Variants in STK3 observed in about 807,000 individuals in gnomAD.
STK3 encodes serine/threonine kinase 3.
A neutral mutation model predicts 58.0 loss-of-function variants in STK3; 41 were observed. The observed-to-expected ratio is 0.71, with a 90% CI of 0.55 to 0.92. The LOEUF (loss-of-function observed/expected upper bound fraction) is 0.92, where lower values mean the gene tolerates loss of function less well. Ranked by LOEUF, STK3 falls within the 40% of genes least tolerant of loss-of-function variation. The pLI is 0.00. For synonymous variants in STK3, 170 were observed against 191.0 expected, an observed-to-expected ratio of 0.89 and a Z score of 0.91; for missense variants, 479 against 602.7, an observed-to-expected ratio of 0.79 and a Z score of 2.15.
intron 6 of STK3, among the ~76,000 whole-genome samples, chr8:98,670,983 G>A (rs563565853): frequency 6.6e-5 from 10 of 152,168 alleles, no homozygotes; most frequent in South Asian, 6.2e-4. Context: ...AGCCAGATGC[G>A]GCCTGGCAGG....
chr8:98,548,295 A>G lies in STK3; in HGVS notation c.949-134T>C, dbSNP rs934130514. 11 of 596,382 alleles carry G rather than the reference A, an allele frequency of 1.8e-5. No individual in the cohort carries two copies. In the African/African-American group the frequency reaches 1.9e-4, roughly 10 times the overall value. 36.9% of individuals were successfully genotyped at this position (596,382 alleles called of 1,614,324 possible). ...TATTAGTACTGATTTTAATATAAAT[A>G]CATACATACAAATGTTATTTTAAGA... On this transcript the variant is annotated intron_variant, in intron 8 of 10. Coordinates refer to ENST00000419617, the MANE Select transcript of STK3 (RefSeq NM_006281.4).
chr8:98,472,282 T>G (rs1477100445), intron 10 of STK3, among the ~76,000 whole-genome samples: 1 of 152,188 alleles, frequency 6.6e-6, no homozygotes, highest in Non-Finnish European at 1.5e-5. Context: ...AAGAGATGGC[T>G]TCTTAAAAAT....
intron 6 of STK3, among the ~76,000 whole-genome samples, chr8:98,705,980 T>C (rs1825936466): frequency 6.6e-6 from 1 of 151,988 alleles, no homozygotes; most frequent in Non-Finnish European, 1.5e-5. Context: ...ATTAGCCGAA[T>C]TCCTTTATAT....
chr8:98,387,722 C>A (rs1817803938), intron 1 of STK3, among the ~76,000 whole-genome samples: 1 of 152,150 alleles, frequency 6.6e-6, no homozygotes, highest in Non-Finnish European at 1.5e-5. Context: ...GCCTGGGCAA[C>A]AAGAGCGAAA....
At chr8:98,881,968 T>C (rs375374292), downstream of STK3, 16 of 152,076 alleles carry the variant, frequency 1.1e-4, 1 homozygote, top group East Asian at 3.1e-3. Context: ...GCCTGGGTGA[T>C]GGAGCAAGAC....
chr8:98,385,942 C>G (rs1387973464), intron 1 of STK3, among the ~76,000 whole-genome samples: 1 of 152,028 alleles, frequency 6.6e-6, no homozygotes, highest in Admixed American at 6.6e-5. Context: ...AATTATTGAA[C>G]AGTTGCAATG....
intron 1 of STK3, among the ~76,000 whole-genome samples, chr8:98,783,160 C>T (rs767465394): frequency 7.9e-5 from 12 of 151,910 alleles, no homozygotes; most frequent in African/African-American, 2.4e-4. Flanking sequence ...AGTTCCATAC[C>T]GCAACAATAA....
At chr8:98,684,541 T>C (rs527969974) in intron 6 of STK3, among the ~76,000 whole-genome samples, 1 of 152,336 alleles carries the variant, frequency 6.6e-6, no homozygotes, top group South Asian at 2.1e-4. Flanking sequence ...TTCATAAAGC[T>C]AGTTCATATT....
intron 1 of STK3, chr8:98,883,941 G>C (rs1837890195): frequency 1.9e-6 from 1 of 515,770 alleles, no homozygotes; most frequent in Non-Finnish European, 3.5e-6. Context: ...TGGGAACAGG[G>C]AGGGGAGAGC....
chr8:98,367,483 C>T (rs1221857308), downstream of STK3, among the ~76,000 whole-genome samples: 1 of 152,216 alleles, frequency 6.6e-6, no homozygotes, highest in Non-Finnish European at 1.5e-5. Flanking sequence ...AGAAATCATA[C>T]TGAGTCCCTG....
At chr8:98,358,490 C>T in the STK3 span, among the ~76,000 whole-genome samples, 1 of 152,154 alleles carries the variant, frequency 6.6e-6, no homozygotes, top group Admixed American at 6.5e-5. Context: ...TCAGGGCTTC[C>T]AGTCGTTCTT....
chr8:98,931,733 C>T (rs1041605984), intron 1 of STK3, among the ~76,000 whole-genome samples: 27 of 152,142 alleles, frequency 1.8e-4, no homozygotes, highest in African/African-American at 5.6e-4. Context: ...AACAATCATG[C>T]TGTACTAGAT....
intron 6 of STK3, among the ~76,000 whole-genome samples, chr8:98,694,860 A>G (rs944015636): frequency 2.0e-5 from 3 of 152,216 alleles, no homozygotes; most frequent in Non-Finnish European, 2.9e-5. Flanking sequence ...CTTTGGGTAT[A>G]TACCCAGTAA....
At chr8:98,730,973 T>C (rs182329086) in intron 4 of STK3, among the ~76,000 whole-genome samples, 1,693 of 152,244 alleles carry the variant, frequency 0.011, 20 homozygotes, top group Admixed American at 0.017. Context: ...TATACAATTG[T>C]GCCAAGATTT....
At chr8:98,919,705 T>C (rs1280301996) in intron 1 of STK3, among the ~76,000 whole-genome samples, 1 of 152,200 alleles carries the variant, frequency 6.6e-6, no homozygotes, top group African/African-American at 2.4e-5. Flanking sequence ...AATATAGAGA[T>C]GGCAGAATGA....
chr8:98,387,596 A>C (rs1262351422), intron 1 of STK3, among the ~76,000 whole-genome samples: 2 of 152,164 alleles, frequency 1.3e-5, no homozygotes, highest in Non-Finnish European at 2.9e-5. Flanking sequence ...TAAAAATACA[A>C]AATTAGCCAG....
intron 3 of STK3, among the ~76,000 whole-genome samples, chr8:98,840,512 C>T (rs1242733372): frequency 7.1e-6 from 1 of 141,612 alleles, no homozygotes; most frequent in African/African-American, 2.6e-5. Flanking sequence ...GTGGAGGCTG[C>T]AGTGAGCATG....
rs547657517 is a variant in STK3 at position 98,804,487 on chromosome 8, A to T, written c.26+21028T>A. On this transcript the variant is annotated intron_variant, in intron 1 of 10. Coordinates refer to ENST00000419617, the MANE Select transcript of STK3 (RefSeq NM_006281.4). ...ATACAATATAGTGTCTCTCATTATT[A>T]GGATGCTAGTAAACACCAAAGTGGA... Among the ~76,000 whole-genome samples, 6 of 152,384 alleles carry T rather than the reference A, an allele frequency of 3.9e-5. No homozygotes were observed. The East Asian group carries it at 1.2e-3, about 29-fold the overall frequency.
In STK3 at chr8:98,454,779, A is replaced by T. The variant is rs1391504119; in HGVS notation, c.*1063T>A. The T allele has an allele frequency of 6.6e-6, 1 of 152,652 alleles. No individual in the cohort carries two copies. The highest frequency in any genetic ancestry group is 1.5e-5 in the Non-Finnish European group (1 of 68,046). The allele number at this position is 152,652 out of a possible 1,614,324, so 9.5% of individuals were successfully genotyped here. A position where few individuals can be genotyped will look rare whatever the true frequency, so the allele number is the denominator to read the frequency against. On this transcript the variant is annotated 3_prime_UTR_variant, in exon 11 of 11. Coordinates refer to ENST00000419617, the MANE Select transcript of STK3 (RefSeq NM_006281.4). ...AATCATATAAATGTTCATTCAGCGT[A>T]AAAATGAGTTTCTTTTTAATGGTTT... is the stretch of plus-strand genomic sequence containing the variant.
Sources: allele counts gnomAD v4.1 joint callset (sites outside exome capture counted in the v4.1 genomes callset), GRCh38; gene constraint gnomAD v4.1.1; transcripts MANE v1.5; gene names NCBI Gene and HGNC (gene_info 2026-07-23, HGNC 2026-07-21).